The following SLC24A3 variants were observed in gnomAD, a reference collection of about 807,000 sequenced individuals.
SLC24A3 encodes the protein solute carrier family 24 member 3.
SLC24A3 carries 28 observed loss-of-function variants against 75.8 expected under a neutral mutation model. The ratio of observed to expected loss-of-function variants is 0.37; its 90% CI spans 0.27 to 0.51. The LOEUF (loss-of-function observed/expected upper bound fraction) is 0.51. Among genes scored for constraint, SLC24A3 ranks in the 20% least tolerant of loss-of-function variants. The probability of loss-of-function intolerance (pLI) is 0.94; values close to 1 mark genes in which losing one functional copy is unlikely to be tolerated. For synonymous variants in SLC24A3, 372 were observed against 334.1 expected (o/e 1.11, Z -1.24); for missense variants, 663 against 847.8 (o/e 0.78, Z 2.71).
chr20:19,653,607 T>G (rs1009664352), intron 6 of SLC24A3, among the ~76,000 whole-genome samples: 2 of 152,066 alleles, frequency 1.3e-5, no homozygotes, highest in African/African-American at 4.8e-5. Flanking sequence ...GCTCCTCCTA[T>G]CCCCTTGATA....
At chr20:19,560,177 G>C (rs536241587) in intron 3 of SLC24A3, among the ~76,000 whole-genome samples, 1 of 152,228 alleles carries the variant, frequency 6.6e-6, no homozygotes, top group African/African-American at 2.4e-5. Context: ...GGAAAAAGAG[G>C]AAGCCAACAA....
chr20:19,571,037 G>C (rs960668331), intron 3 of SLC24A3, among the ~76,000 whole-genome samples: 1 of 151,940 alleles, frequency 6.6e-6, no homozygotes, highest in Non-Finnish European at 1.5e-5. Context: ...CCTCTTCCTG[G>C]AATGCTGTGT....
At chr20:19,372,893 G>A (rs2057160998) in intron 2 of SLC24A3, among the ~76,000 whole-genome samples, 1 of 152,106 alleles carries the variant, frequency 6.6e-6, no homozygotes, top group African/African-American at 2.4e-5. Context: ...GGCATCAGAA[G>A]GCAAATATAT....
At chr20:19,241,407 C>T (rs958300472) in intron 1 of SLC24A3, among the ~76,000 whole-genome samples, 2 of 152,188 alleles carry the variant, frequency 1.3e-5, no homozygotes, top group African/African-American at 2.4e-5. Context: ...CCAGGCATCT[C>T]CTCTCAGGCC....
At chr20:19,432,234 C>G (rs991035981) in intron 2 of SLC24A3, among the ~76,000 whole-genome samples, 1 of 148,916 alleles carries the variant, frequency 6.7e-6, no homozygotes, top group African/African-American at 2.5e-5. Flanking sequence ...TGGCTACTAT[C>G]ATTTTTACAG....
At chr20:19,550,497 G>T (rs932601793) in intron 3 of SLC24A3, among the ~76,000 whole-genome samples, 6 of 152,176 alleles carry the variant, frequency 3.9e-5, no homozygotes, top group Admixed American at 6.5e-5. Context: ...CTACCTTCTT[G>T]ACTTATGTGT....
At chr20:19,478,385 CT>C (rs1987997419) in intron 2 of SLC24A3, among the ~76,000 whole-genome samples, 2 of 152,188 alleles carry the variant, frequency 1.3e-5, no homozygotes, top group African/African-American at 4.8e-5. Flanking sequence ...TCGGCATGAT[CT>C]TTCGTGCTAT....
At chr20:19,460,954 G>A (rs191302677) in intron 2 of SLC24A3, among the ~76,000 whole-genome samples, 3 of 152,216 alleles carry the variant, frequency 2.0e-5, no homozygotes, top group African/African-American at 7.2e-5. Context: ...TCCTGGTAGA[G>A]TCATGTCCTA....
Position 19,566,647 on chromosome 20 carries a change from C to T in SLC24A3, c.349-13353C>T, listed in dbSNP as rs560286426. 1.9e-3 allele frequency among the ~76,000 whole-genome samples: 295 copies of T among 152,294 alleles called. 2 individuals are homozygous for T. The highest frequency in any genetic ancestry group is 6.5e-3 in the African/African-American group (272 of 41,580). ...TATAGATGTAGGAGGAATTAACATT[C>T]CTTATTCTACAAGAGAGGCCCTTCC... is the stretch of plus-strand genomic sequence containing the variant. On this transcript the variant is annotated intron_variant, in intron 3 of 16. Transcript: ENST00000328041.
intron 2 of SLC24A3, among the ~76,000 whole-genome samples, chr20:19,515,249 C>T (rs984672750): frequency 3.9e-5 from 6 of 152,168 alleles, no homozygotes; most frequent in African/African-American, 1.2e-4. Context: ...GATGGTATGA[C>T]GTGTTATGAA....
intron 1 of SLC24A3, among the ~76,000 whole-genome samples, chr20:19,222,243 C>T (rs959830168): frequency 2.0e-5 from 3 of 152,102 alleles, no homozygotes; most frequent in Non-Finnish European, 2.9e-5. Context: ...TTGAGGTTTT[C>T]TTTTCCCCAT....
chr20:19,632,130 T>C (rs2031941655), intron 6 of SLC24A3, among the ~76,000 whole-genome samples: 1 of 152,158 alleles, frequency 6.6e-6, no homozygotes, highest in Admixed American at 6.5e-5. Context: ...GGAAAAGAAT[T>C]GGAACCCCTC....
In SLC24A3 at chr20:19,411,204, C is replaced by A. The variant is rs543458643; in HGVS notation, c.272-104284C>A. Among the ~76,000 whole-genome samples, 3 of 152,256 alleles carry A rather than the reference C, an allele frequency of 2.0e-5. No homozygotes were observed. In the South Asian group the frequency reaches 6.2e-4, roughly 32 times the overall value. On this transcript the variant is annotated intron_variant, in intron 2 of 16. Transcript: ENST00000328041. Reference sequence around the variant, plus strand: ...CCCTGAGCACACTTTTGCATCAGGGCTCCCATTACCCCTTCCTTAGGTGCT... The same window carrying A: ...CCCTGAGCACACTTTTGCATCAGGGATCCCATTACCCCTTCCTTAGGTGCT...
At chr20:19,410,136 G>A (rs968882424) in intron 2 of SLC24A3, among the ~76,000 whole-genome samples, 5 of 152,092 alleles carry the variant, frequency 3.3e-5, no homozygotes, top group South Asian at 4.1e-4. Context: ...CTAGAAAAAC[G>A]TTGGAAGGAA....
intron 6 of SLC24A3, among the ~76,000 whole-genome samples, chr20:19,639,987 C>T (rs555588202): frequency 3.3e-5 from 5 of 152,256 alleles, no homozygotes; most frequent in Non-Finnish European, 7.3e-5. Flanking sequence ...AAGCGCGGAG[C>T]GCAGCCCTGA....
At chr20:19,648,207 T>C (rs1276024123) in intron 6 of SLC24A3, among the ~76,000 whole-genome samples, 1 of 152,216 alleles carries the variant, frequency 6.6e-6, no homozygotes, top group Non-Finnish European at 1.5e-5. Flanking sequence ...CAGCACCACT[T>C]GGTGTCCTCA....
Position 19,286,678 on chromosome 20 carries a change from C to T in SLC24A3, c.271+5591C>T, listed in dbSNP as rs78405521. Among the ~76,000 whole-genome samples the T allele has an allele frequency of 3.6e-3, 550 of 152,290 alleles. 2 individuals are homozygous for T. Among genetic ancestry groups the T allele is most frequent in the African/African-American group, 9.9e-3 (410 of 41,566 alleles). On this transcript the variant is annotated intron_variant, in intron 2 of 16. Transcript: ENST00000328041. ...AGAAAATCTGAGGTCTGCACAATCT[C>T]GAGTAGCACTGTCCAGTAGGAACAA...
chr20:19,691,762 G>C (rs1288012377), intron 12 of SLC24A3, among the ~76,000 whole-genome samples: 1 of 152,208 alleles, frequency 6.6e-6, no homozygotes, highest in Admixed American at 6.5e-5. Context: ...GGAACGACTT[G>C]TGAGCTCATG....
chr20:19,256,021 C>G (rs1020863973), intron 1 of SLC24A3, among the ~76,000 whole-genome samples: 3 of 151,924 alleles, frequency 2.0e-5, no homozygotes, highest in African/African-American at 7.3e-5. Flanking sequence ...ATTGCTTGAG[C>G]CCAGCAGTTC....
Sources: gnomAD v4.1 joint callset for allele counts (sites outside exome capture counted in the v4.1 genomes callset) on GRCh38, gnomAD v4.1.1 for gene constraint, MANE v1.5 for transcripts, NCBI Gene and HGNC (gene_info 2026-07-23, HGNC 2026-07-21) for gene names.